The following KIF5C variants were observed in gnomAD, a reference collection of about 807,000 sequenced individuals.
KIF5C encodes the protein kinesin heavy chain isoform 5C.
In KIF5C, 18 loss-of-function variants were observed where a neutral mutation model predicts 125.2. The observed-to-expected ratio is 0.14, with a 90% CI of 0.10 to 0.21. The LOEUF is 0.21. KIF5C is among the 10% of genes least tolerant of loss of function. The pLI is 1.00. For missense variants in KIF5C, 780 were observed against 1,183.8 expected, an observed-to-expected ratio of 0.66 and a Z score of 5.01; for synonymous variants, 405 against 434.0, an observed-to-expected ratio of 0.93 and a Z score of 0.83.
At chr2:148,908,860 A>G (rs920032562) in intron 1 of KIF5C, among the ~76,000 whole-genome samples, 7 of 152,246 alleles carry the variant, frequency 4.6e-5, no homozygotes, top group African/African-American at 1.4e-4. Context: ...TTTTAAAAAA[A>G]TTAGACATCA....
rs112381805 is a variant in KIF5C at position 148,912,918 on chromosome 2, C to G, written c.127-9219C>G. On this transcript the variant is annotated intron_variant, in intron 1 of 25. Coordinates refer to ENST00000435030, the MANE Select transcript of KIF5C (RefSeq NM_004522.3). ...AGATGGTCCATCTAGATGTAGTTGA[C>G]TATTAAAGACCTATTTGGAGTTTGC... 3.9e-3 allele frequency among the ~76,000 whole-genome samples: 595 copies of G among 152,276 alleles called. 6 individuals carry two copies. The highest frequency in any genetic ancestry group is 0.013 in the African/African-American group (549 of 41,540).
chr2:148,995,340 G>GAACT (rs1041491200), intron 17 of KIF5C, among the ~76,000 whole-genome samples: 76 of 152,298 alleles, frequency 5.0e-4, no homozygotes, highest in African/African-American at 1.8e-3. Flanking sequence ...TATAAAGTTT[G>GAACT]AACTGCCGTG....
intron 16 of KIF5C, among the ~76,000 whole-genome samples, chr2:148,991,451 G>A (rs573279681): frequency 6.6e-6 from 1 of 152,202 alleles, no homozygotes; most frequent in East Asian, 1.9e-4. Context: ...TGGATGGCTA[G>A]CTAGCTAATG....
chr2:148,934,853 T>C (rs1051405814), intron 3 of KIF5C, among the ~76,000 whole-genome samples: 18 of 150,998 alleles, frequency 1.2e-4, no homozygotes, highest in African/African-American at 4.1e-4. Flanking sequence ...CACAGACATA[T>C]ACTACACACA....
rs1003521810 is a variant in KIF5C, at chr2:148,875,391, CG to C, written c.-225del. 101 of 506,244 alleles carry C rather than the reference CG, an allele frequency of 2.0e-4. 1 individual carries two copies. The Middle Eastern group carries it at 2.6e-3, about 13-fold the overall frequency. The allele number at this position is 506,244 out of a possible 1,614,324, so 31.4% of individuals were successfully genotyped here. A position where few individuals can be genotyped will look rare whatever the true frequency, so the allele number is the denominator to read the frequency against. ...GGGGCGGGGCAGGGCCAGGGCAGGC[CG>C]GTCTGCAGCCGGAGGGGCCGGAGCG... On this transcript the variant is annotated 5_prime_UTR_variant, in exon 1 of 26. Coordinates refer to ENST00000435030, the MANE Select transcript of KIF5C (RefSeq NM_004522.3).
intron 1 of KIF5C, among the ~76,000 whole-genome samples, chr2:148,898,246 G>A (rs909247449): frequency 1.4e-4 from 21 of 152,128 alleles, no homozygotes; most frequent in Admixed American, 2.6e-4. Context: ...AAAAGCCAAA[G>A]TTGCCAGTTC....
intron 14 of KIF5C, among the ~76,000 whole-genome samples, chr2:148,982,830 G>A (rs1681272728): frequency 6.6e-6 from 1 of 152,116 alleles, no homozygotes; most frequent in Admixed American, 6.5e-5. Flanking sequence ...TTACTAGATT[G>A]GTTTAGAAGA....
intron 7 of KIF5C, 105 bp from the exon 8 acceptor site, chr2:148,946,794 A>G (rs1261207288): frequency 3.3e-6 from 5 of 1,504,782 alleles, no homozygotes; most frequent in African/African-American, 1.4e-5. Flanking sequence ...ACTTACTTCA[A>G]TGAAATGGAT....
At chr2:148,934,151 G>T (rs542019676) in intron 3 of KIF5C, among the ~76,000 whole-genome samples, 2 of 143,890 alleles carry the variant, frequency 1.4e-5, no homozygotes, top group East Asian at 4.2e-4. Context: ...TACACACACA[G>T]ACATATACAC....
intron 17 of KIF5C, 144 bp from the exon 18 acceptor site, chr2:148,997,120 T>G: frequency 1.5e-6 from 2 of 1,364,934 alleles, no homozygotes; most frequent in Non-Finnish European, 2.0e-6. Flanking sequence ...CCTTGCCTGT[T>G]CCTTTATGCC....
chr2:148,934,835 A>T (rs78541971), intron 3 of KIF5C, among the ~76,000 whole-genome samples: 9,845 of 151,844 alleles, frequency 0.065, 420 homozygotes, highest in Middle Eastern at 0.18. Flanking sequence ...CCCCACACGT[A>T]TATCACACAC....
intron 1 of KIF5C, among the ~76,000 whole-genome samples, chr2:148,889,313 A>T (rs1049696808): frequency 1.3e-5 from 2 of 152,176 alleles, no homozygotes; most frequent in East Asian, 1.9e-4. Flanking sequence ...TTTTCCTCTG[A>T]TATATTTGAA....
intron 25 of KIF5C, among the ~76,000 whole-genome samples, chr2:149,017,846 T>C (rs1682411944): frequency 6.6e-6 from 1 of 152,122 alleles, no homozygotes; most frequent in Non-Finnish European, 1.5e-5. Flanking sequence ...AATTTAGAAA[T>C]TAAATCGAAA....
chr2:148,939,975 T>C (rs1444126257), intron 4 of KIF5C, among the ~76,000 whole-genome samples: 1 of 152,194 alleles, frequency 6.6e-6, no homozygotes, highest in Non-Finnish European at 1.5e-5. Context: ...CTGTTTCTAC[T>C]TACATTAAAT....
At chr2:148,963,288 T>A (rs1682973115) in intron 11 of KIF5C, among the ~76,000 whole-genome samples, 1 of 152,088 alleles carries the variant, frequency 6.6e-6, no homozygotes, top group Non-Finnish European at 1.5e-5. Flanking sequence ...CAGCTGTACC[T>A]CAGCTTTGGG....
intron 1 of KIF5C, among the ~76,000 whole-genome samples, chr2:148,905,733 G>A (rs543910738): frequency 6.2e-4 from 95 of 152,158 alleles, no homozygotes; most frequent in Non-Finnish European, 1.1e-3. Flanking sequence ...TGGTATATTA[G>A]TCCACTTTCA....
chr2:149,018,281 T>C (rs61081037), intron 25 of KIF5C, among the ~76,000 whole-genome samples: 11,391 of 152,124 alleles, frequency 0.075, 1,207 homozygotes, highest in African/African-American at 0.23. Context: ...AGAGTGAGAT[T>C]CTACCTCAAA....
intron 10 of KIF5C, among the ~76,000 whole-genome samples, chr2:148,956,792 A>G (rs1178767566): frequency 6.6e-6 from 1 of 152,174 alleles, no homozygotes; most frequent in African/African-American, 2.4e-5. Context: ...ATAGACATTG[A>G]TATCTGTATA....
rs562372108 is a variant in KIF5C at position 148,876,278 on chromosome 2, C to T, written c.126+535C>T. Among the ~76,000 whole-genome samples, 1 of 152,270 alleles carries T rather than the reference C, an allele frequency of 6.6e-6. No individual in the cohort carries two copies. The highest frequency in any genetic ancestry group is 1.9e-4 in the East Asian group (1 of 5,154). ...CCCGCGGCAGTGTAGACGCGGCTCC[C>T]CGCGGTGTTACACCTGGCTCCGCGC... On this transcript the variant is annotated intron_variant, in intron 1 of 25. Coordinates refer to ENST00000435030, the MANE Select transcript of KIF5C (RefSeq NM_004522.3). This position sits in a 1 kb window ranked among gnomAD's most constrained non-coding sequence, Gnocchi z 4.7.
Sources: allele counts gnomAD v4.1 joint callset (sites outside exome capture counted in the v4.1 genomes callset), GRCh38; gene constraint gnomAD v4.1.1; non-coding constraint Gnocchi (gnomAD v3.1); transcripts MANE v1.5; gene names NCBI Gene and HGNC (gene_info 2026-07-23, HGNC 2026-07-21).